KCNC2: variants seen among roughly 807,000 people sequenced by gnomAD.
The protein encoded by KCNC2 is voltage-gated potassium channel KCNC2.
A neutral mutation model predicts 44.5 loss-of-function variants in KCNC2; 21 were observed. The observed-to-expected ratio is 0.47, with a 90% CI of 0.33 to 0.68. The LOEUF (loss-of-function observed/expected upper bound fraction) is 0.68. Among genes scored for constraint, KCNC2 ranks in the 30% least tolerant of loss-of-function variants. The pLI, the probability that KCNC2 is intolerant of heterozygous loss-of-function variation, is 0.01. For missense variants in KCNC2, 589 were observed against 826.2 expected (o/e 0.71, Z 3.52); for synonymous variants, 391 against 339.1 (o/e 1.15, Z -1.68).
At chr12:75,098,706 C>T (rs1886133585) in intron 2 of KCNC2, among the ~76,000 whole-genome samples, 3 of 151,900 alleles carry the variant, frequency 2.0e-5, no homozygotes, top group South Asian at 2.1e-4. Context: ...CTGCAGTGAG[C>T]TGAGATCATG....
At chr12:75,082,262 T>C (rs912793827) in intron 2 of KCNC2, among the ~76,000 whole-genome samples, 1 of 151,904 alleles carries the variant, frequency 6.6e-6, no homozygotes, top group Non-Finnish European at 1.5e-5. Flanking sequence ...ATTGGAGTTA[T>C]CTATAAAATT....
At chr12:75,144,755 T>C (rs185060169) in intron 2 of KCNC2, among the ~76,000 whole-genome samples, 2 of 152,214 alleles carry the variant, frequency 1.3e-5, no homozygotes, top group Admixed American at 1.3e-4. Context: ...AAATACTTCA[T>C]TAACGTCACT....
At chr12:75,066,559 A>G (rs895636557) in intron 2 of KCNC2, among the ~76,000 whole-genome samples, 1 of 152,176 alleles carries the variant, frequency 6.6e-6, no homozygotes, top group African/African-American at 2.4e-5. Flanking sequence ...CTTTCCTACT[A>G]CTGGGATGAT....
chr12:75,184,714 T>C (rs1043633680), intron 2 of KCNC2, among the ~76,000 whole-genome samples: 4 of 152,248 alleles, frequency 2.6e-5, no homozygotes, highest in African/African-American at 9.6e-5. Context: ...AAGCACAGTG[T>C]TCTCTTTTAA....
chr12:75,144,865 T>C (rs996320423), intron 2 of KCNC2, among the ~76,000 whole-genome samples: 5 of 151,988 alleles, frequency 3.3e-5, no homozygotes, highest in Non-Finnish European at 4.4e-5. Flanking sequence ...ACTCAGGAAG[T>C]AGAGTCTTTC....
chr12:75,071,679 C>T (rs139284317), intron 2 of KCNC2, among the ~76,000 whole-genome samples: 48 of 152,190 alleles, frequency 3.2e-4, no homozygotes, highest in Non-Finnish European at 6.0e-4. Context: ...TGGCCAGACG[C>T]GGTGGCTCAC....
intron 2 of KCNC2, among the ~76,000 whole-genome samples, chr12:75,063,490 C>T (rs1245582751): frequency 6.6e-6 from 1 of 151,892 alleles, no homozygotes; most frequent in Non-Finnish European, 1.5e-5. Flanking sequence ...TTATCTCACC[C>T]CGGAAAAGCC....
chr12:75,065,800 C>G (rs536412890), intron 2 of KCNC2, among the ~76,000 whole-genome samples: 1 of 152,202 alleles, frequency 6.6e-6, no homozygotes, highest in African/African-American at 2.4e-5. Flanking sequence ...TGTTGTTAAG[C>G]AATACATGAC....
At chr12:75,111,234 T>C (rs1467915243) in intron 2 of KCNC2, among the ~76,000 whole-genome samples, 2 of 152,212 alleles carry the variant, frequency 1.3e-5, no homozygotes, top group African/African-American at 2.4e-5. Context: ...GCATGTATTC[T>C]TCACCCTCCC....
intron 2 of KCNC2, among the ~76,000 whole-genome samples, chr12:75,132,150 T>A (rs1888896291): frequency 6.6e-6 from 1 of 151,952 alleles, no homozygotes; most frequent in African/African-American, 2.4e-5. Context: ...AAAAGCAATA[T>A]ACCCCTCATA....
chr12:75,138,979 T>TAAAAAAAAAAAAAAAAAAA (rs373729570), intron 2 of KCNC2, among the ~76,000 whole-genome samples: 37 of 77,930 alleles, frequency 4.7e-4, no homozygotes, highest in African/African-American at 1.2e-3. Flanking sequence ...AGACTCCGTG[T>TAAAAAAAAAAAAAAAAAAA]AAAAAAAAAA....
intron 2 of KCNC2, among the ~76,000 whole-genome samples, chr12:75,193,706 C>T (rs542100809): frequency 1.3e-4 from 20 of 152,062 alleles, no homozygotes; most frequent in African/African-American, 4.8e-4. Context: ...AGTTCTATCT[C>T]CAAATAAAAC....
intron 2 of KCNC2, among the ~76,000 whole-genome samples, chr12:75,073,769 T>G (rs2137046158): frequency 6.6e-6 from 1 of 152,308 alleles, no homozygotes; most frequent in East Asian, 1.9e-4. Context: ...TCACATAAAT[T>G]TATGGGCTAT....
chr12:75,135,160 A>G (rs1219337076), intron 2 of KCNC2, among the ~76,000 whole-genome samples: 1 of 151,890 alleles, frequency 6.6e-6, no homozygotes, highest in African/African-American at 2.4e-5. Flanking sequence ...CCACAGTTAC[A>G]TAGCAAATGT....
chr12:75,103,912 G>A (rs1565857687), intron 2 of KCNC2, among the ~76,000 whole-genome samples: 1 of 152,200 alleles, frequency 6.6e-6, no homozygotes, highest in African/African-American at 2.4e-5. Flanking sequence ...CTTCCTTCTT[G>A]CAGTGATGTA....
At chr12:75,109,381 C>T (rs1887042683) in intron 2 of KCNC2, among the ~76,000 whole-genome samples, 1 of 152,050 alleles carries the variant, frequency 6.6e-6, no homozygotes, top group Admixed American at 6.6e-5. Context: ...AAACAAGGGG[C>T]CTGAAGTGAT....
chr12:75,099,991 G>T (rs1421549382), intron 2 of KCNC2, among the ~76,000 whole-genome samples: 13 of 150,052 alleles, frequency 8.7e-5, no homozygotes, highest in Non-Finnish European at 1.9e-4. Flanking sequence ...GAACCTCTGG[G>T]CTATATGAAA....
At chr12:75,080,733 T>C (rs1884422047) in intron 2 of KCNC2, among the ~76,000 whole-genome samples, 1 of 152,064 alleles carries the variant, frequency 6.6e-6, no homozygotes, top group Non-Finnish European at 1.5e-5. Flanking sequence ...AGTGTGCCAG[T>C]CACTTAGCAC....
At chr12:75,182,956 A>T (rs186102809) in intron 2 of KCNC2, among the ~76,000 whole-genome samples, 2 of 152,354 alleles carry the variant, frequency 1.3e-5, no homozygotes, top group East Asian at 3.9e-4. Flanking sequence ...TGCTGGGGAC[A>T]TGAGATGAAT....
Sources: gnomAD v4.1 joint callset for allele counts (sites outside exome capture counted in the v4.1 genomes callset) on GRCh38, gnomAD v4.1.1 for gene constraint, MANE v1.5 for transcripts, NCBI Gene and HGNC (gene_info 2026-07-23, HGNC 2026-07-21) for gene names.